Variants in PREP observed in about 807,000 individuals in gnomAD.
PREP encodes prolyl endopeptidase, also known as dJ355L5.1 (prolyl endopeptidase).
In PREP, 29 loss-of-function variants were observed where a neutral mutation model predicts 87.6. The observed-to-expected ratio is 0.33, with a 90% confidence interval of 0.25 to 0.45. The LOEUF is 0.45. Among genes scored for constraint, PREP ranks in the 20% least tolerant of loss-of-function variants. PREP has a pLI of 1.00. For synonymous variants in PREP, 337 were observed against 328.6 expected (o/e 1.03, Z -0.28); for missense variants, 695 against 886.5 (o/e 0.78, Z 2.74).
chr6:105,395,335 T>C (rs770160636), intron 2 of PREP, among the ~76,000 whole-genome samples: 3 of 152,206 alleles, frequency 2.0e-5, no homozygotes, highest in Admixed American at 6.5e-5. Context: ...TATTTTTTAA[T>C]GTGTAATTGA....
chr6:105,352,425 C>CAG (rs1771982430), intron 7 of PREP, among the ~76,000 whole-genome samples: 1 of 152,180 alleles, frequency 6.6e-6, no homozygotes, highest in Non-Finnish European at 1.5e-5. Context: ...TGTTCTTTTC[C>CAG]TAAGTACTGA....
chr6:105,330,810 T>C (rs952037147), intron 8 of PREP, among the ~76,000 whole-genome samples: 1 of 152,224 alleles, frequency 6.6e-6, no homozygotes, highest in African/African-American at 2.4e-5. Flanking sequence ...GCCTTGATCT[T>C]GGGCTGCTGA....
chr6:105,339,616 T>C (rs777949880), intron 7 of PREP, among the ~76,000 whole-genome samples: 46 of 152,020 alleles, frequency 3.0e-4, no homozygotes, highest in Non-Finnish European at 4.6e-4. Flanking sequence ...TTCGAACCCA[T>C]TGCAAAGAAG....
intron 7 of PREP, among the ~76,000 whole-genome samples, chr6:105,341,450 T>G (rs188978244): frequency 6.6e-5 from 10 of 152,166 alleles, no homozygotes; most frequent in Admixed American, 5.9e-4. Flanking sequence ...GATCTAAAAT[T>G]GACACCCTAA....
chr6:105,288,896 T>TAGAATATAAGAAAGC lies in PREP; in HGVS notation c.1318-17_1318-3dup. ...ACCATCCTTGCTAGGGTAGAAAATC[T>TAGAATATAAGAAAGC]AGAATATAAGAAAGCAGAATATAAG... On this transcript the variant is annotated splice_polypyrimidine_tract_variant and splice_region_variant and intron_variant, in intron 10 of 14. Coordinates refer to ENST00000652536, the MANE Select transcript of PREP (RefSeq NM_002726.5). The TAGAATATAAGAAAGC allele has an allele frequency of 6.2e-7, 1 of 1,611,174 alleles. No homozygotes were observed. Among genetic ancestry groups the TAGAATATAAGAAAGC allele is most frequent in the Middle Eastern group, 1.7e-4 (1 of 6,048 alleles).
At chr6:105,385,909 C>A (rs1156955347) in intron 2 of PREP, among the ~76,000 whole-genome samples, 1 of 152,194 alleles carries the variant, frequency 6.6e-6, no homozygotes. Context: ...ATCACGAGGT[C>A]AGGAGATCGA....
chr6:105,306,711 G>A (rs1178090097), intron 10 of PREP, among the ~76,000 whole-genome samples: 1 of 152,134 alleles, frequency 6.6e-6, no homozygotes, highest in Admixed American at 6.5e-5. Flanking sequence ...CACTGTTGGA[G>A]TTTTCGGCTG....
intron 6 of PREP, among the ~76,000 whole-genome samples, chr6:105,364,906 C>A (rs1478183107): frequency 2.6e-5 from 4 of 152,126 alleles, no homozygotes; most frequent in African/African-American, 9.7e-5. Context: ...ACAAAAGCAA[C>A]AATTAAATAA....
intron 11 of PREP, among the ~76,000 whole-genome samples, chr6:105,288,121 C>A (rs1770224573): frequency 6.6e-6 from 1 of 152,168 alleles, no homozygotes; most frequent in African/African-American, 2.4e-5. Flanking sequence ...GCGGTGGCAG[C>A]AAATGACAAA....
In PREP at chr6:105,274,546, A is replaced by G. The variant is rs1432277070; in HGVS notation, c.*3598T>C. On this transcript the variant is annotated 3_prime_UTR_variant, in exon 15 of 15. Coordinates refer to ENST00000652536, the MANE Select transcript of PREP (RefSeq NM_002726.5). ...TTTGGGAGGCTGAGGTGGGTGGATC[A>G]CCTGAGGTCAGGAGTTCAAGACCAG... Among the ~76,000 whole-genome samples the G allele has an allele frequency of 6.6e-6, 1 of 152,114 alleles. No individual in the cohort carries two copies. Among genetic ancestry groups the G allele is most frequent in the East Asian group, 1.9e-4 (1 of 5,194 alleles).
chr6:105,339,944 T>C (rs991397233), intron 7 of PREP, among the ~76,000 whole-genome samples: 17 of 152,222 alleles, frequency 1.1e-4, no homozygotes, highest in Non-Finnish European at 1.0e-4. Context: ...ATGAGGAGAA[T>C]GGAACCAAGT....
intron 2 of PREP, among the ~76,000 whole-genome samples, chr6:105,394,551 A>T (rs1773240579): frequency 1.3e-5 from 2 of 152,270 alleles, no homozygotes; most frequent in African/African-American, 2.4e-5. Context: ...ATTATATGTT[A>T]TATGATTATG....
At chr6:105,315,840 C>T (rs1234725410) in intron 10 of PREP, among the ~76,000 whole-genome samples, 2 of 152,210 alleles carry the variant, frequency 1.3e-5, no homozygotes, top group Non-Finnish European at 2.9e-5. Flanking sequence ...CATGAACCAA[C>T]CTCTGCTAGC....
intron 10 of PREP, chr6:105,302,832 A>C (rs756508726): frequency 5.3e-6 from 2 of 379,168 alleles, no homozygotes; most frequent in Non-Finnish European, 1.0e-5. Context: ...ATTGCTGCAC[A>C]GGCCGCCCCC....
chr6:105,365,552 T>C (rs111316516), intron 6 of PREP, among the ~76,000 whole-genome samples: 12 of 152,304 alleles, frequency 7.9e-5, no homozygotes, highest in African/African-American at 2.6e-4. Flanking sequence ...CTAGAGTTCA[T>C]GTTTAAGTGA....
rs914228487 is a variant in PREP, at chr6:105,378,230, G to A, written c.121-711C>T. On this transcript the variant is annotated intron_variant, in intron 2 of 14. Coordinates refer to ENST00000652536, the MANE Select transcript of PREP (RefSeq NM_002726.5). The stretch of plus-strand genomic sequence containing the variant: ...TCCCAGAACTTTGGAAGGCTGAGGC[G>A]GGTGGATCACTTGAGGCCAGAAGAT... Among the ~76,000 whole-genome samples the A allele has an allele frequency of 6.6e-5, 10 of 152,194 alleles. 1 individual carries two copies. The highest frequency in any genetic ancestry group is 1.0e-4 in the Non-Finnish European group (7 of 68,034).
At chr6:105,381,017 C>T (rs1772823728) in intron 2 of PREP, among the ~76,000 whole-genome samples, 1 of 152,242 alleles carries the variant, frequency 6.6e-6, no homozygotes, top group Non-Finnish European at 1.5e-5. Context: ...AGCAGACACA[C>T]TGGCTTTTCA....
At chr6:105,386,905 C>T (rs1208251110) in intron 2 of PREP, among the ~76,000 whole-genome samples, 3 of 152,116 alleles carry the variant, frequency 2.0e-5, no homozygotes, top group African/African-American at 7.2e-5. Context: ...GGCACCTAAA[C>T]ATGGTGGGGG....
At position 105,278,428 on chromosome 6, in the gene PREP, A is replaced by G. The variant is rs922965275; in HGVS notation, c.1849T>C (p.Leu617=). Residue 617 remains leucine (L), a synonymous_variant, in exon 15 of 15, where the codon TTG becomes CTG. Coordinates refer to ENST00000652536, the MANE Select transcript of PREP (RefSeq NM_002726.5). The surrounding 1 kb of genome is among the most constrained non-coding windows in gnomAD (Gnocchi z 4.2). ...HFEWLVKYSP[L]HNVKLPEADD... is the part of the protein sequence containing the mutation. ...GCTTCTGGTAACTTCACATTATGCA[A>G]TGGAGAGTATCTGGAAGGCAAAAAC... The G allele has an allele frequency of 1.2e-6, 2 of 1,610,146 alleles. No homozygotes were observed. Among genetic ancestry groups the G allele is most frequent in the African/African-American group, 2.7e-5 (2 of 74,890 alleles).
Sources: gnomAD v4.1 joint callset for allele counts (sites outside exome capture counted in the v4.1 genomes callset) on GRCh38, gnomAD v4.1.1 for gene constraint, Gnocchi (gnomAD v3.1) non-coding constraint, MANE v1.5 for transcripts, NCBI Gene and HGNC (gene_info 2026-07-23, HGNC 2026-07-21) for gene names.